CADM1: variants seen among roughly 807,000 people sequenced by gnomAD.
CADM1 encodes the protein TSLC-1.
Under a neutral mutation model 53.1 loss-of-function variants are expected in CADM1, and 15 were observed. That is an observed-to-expected ratio of 0.28 (90% CI 0.19 to 0.44). The LOEUF (loss-of-function observed/expected upper bound fraction) is 0.44. Among genes scored for constraint, CADM1 ranks in the 20% least tolerant of loss-of-function variants. The probability of loss-of-function intolerance (pLI) is 1.00; values close to 1 mark genes in which losing one functional copy is unlikely to be tolerated. For synonymous variants in CADM1, 281 were observed against 243.0 expected (o/e 1.16, Z -1.45); for missense variants, 434 against 611.3 (o/e 0.71, Z 3.06).
Position 115,254,065 on chromosome 11 carries a change from C to T in CADM1, c.125-13645G>A, listed in dbSNP as rs1942695375. ...TGAGATAATCCACATATTTGTACAG[C>T]TTGAGTCTTGACACAAAACCTGTGT... is the stretch of plus-strand genomic sequence containing the variant. On this transcript the variant is annotated intron_variant, in intron 1 of 11. Transcript: ENST00000331581. Among the ~76,000 whole-genome samples, 4 of 152,138 alleles carry T rather than the reference C, an allele frequency of 2.6e-5. No individual in the cohort carries two copies. In the South Asian group the frequency reaches 8.3e-4, roughly 31 times the overall value.
intron 1 of CADM1, among the ~76,000 whole-genome samples, chr11:115,440,885 C>T (rs1948293824): frequency 2.0e-5 from 3 of 152,018 alleles, no homozygotes; most frequent in African/African-American, 7.2e-5. Context: ...CTCAAGCAAT[C>T]CTCCCGCCTT....
At position 115,487,108 on chromosome 11, in the gene CADM1, C is replaced by T. The variant is rs567999289; in HGVS notation, c.124+17163G>A. Reference sequence around the variant, plus strand: ...GTAACCAGGCTTCATTTGCTCCAGCCTTGTTGTTTGGAAATTGAAAGATTC... The same window carrying T: ...GTAACCAGGCTTCATTTGCTCCAGCTTTGTTGTTTGGAAATTGAAAGATTC... On this transcript the variant is annotated intron_variant, in intron 1 of 11. Coordinates refer to ENST00000331581, the MANE Select transcript of CADM1 (RefSeq NM_001301043.2). Among the ~76,000 whole-genome samples the T allele has an allele frequency of 3.3e-5, 5 of 152,306 alleles. No homozygotes were observed. The East Asian group carries it at 7.7e-4, about 24-fold the overall frequency.
chr11:115,277,100 G>C (rs1261474350), intron 1 of CADM1, among the ~76,000 whole-genome samples: 2 of 152,236 alleles, frequency 1.3e-5, no homozygotes, highest in Middle Eastern at 3.2e-3. Flanking sequence ...AGCTTGAGTA[G>C]ACGGGAACAT....
intron 1 of CADM1, among the ~76,000 whole-genome samples, chr11:115,476,532 A>T (rs1363394016): frequency 1.3e-5 from 2 of 152,156 alleles, no homozygotes; most frequent in East Asian, 3.8e-4. Flanking sequence ...ATGCATCAGG[A>T]GATGGCAGCA....
intron 1 of CADM1, among the ~76,000 whole-genome samples, chr11:115,496,864 A>G (rs1949629669): frequency 2.0e-5 from 3 of 152,198 alleles, no homozygotes; most frequent in Non-Finnish European, 4.4e-5. Context: ...GTCATTGGTA[A>G]TAATGGAGAC....
At chr11:115,272,432 GA>G (rs958851411) in intron 1 of CADM1, among the ~76,000 whole-genome samples, 22 of 150,950 alleles carry the variant, frequency 1.5e-4, no homozygotes, top group Admixed American at 8.6e-4. Context: ...TATTTTAAAA[GA>G]AAAAAAACAT....
chr11:115,356,997 T>C (rs560377559), intron 1 of CADM1, among the ~76,000 whole-genome samples: 142 of 152,322 alleles, frequency 9.3e-4, no homozygotes, highest in African/African-American at 3.3e-3. Flanking sequence ...AATCCCTTTT[T>C]GGAATTTTAA....
intron 10 of CADM1, 105 bp from the exon 11 acceptor site, chr11:115,178,880 G>A: frequency 8.1e-7 from 1 of 1,240,502 alleles, no homozygotes; most frequent in Non-Finnish European, 1.2e-6. Flanking sequence ...TTTTTTAATG[G>A]AGGAGTCACA....
intron 1 of CADM1, among the ~76,000 whole-genome samples, chr11:115,371,453 A>T (rs1270526905): frequency 1.3e-5 from 2 of 152,132 alleles, no homozygotes; most frequent in Non-Finnish European, 2.9e-5. Flanking sequence ...AACAGAGGAG[A>T]TAAACTGGAA....
chr11:115,351,209 T>C (rs1425995852), intron 1 of CADM1, among the ~76,000 whole-genome samples: 1 of 152,172 alleles, frequency 6.6e-6, no homozygotes, highest in African/African-American at 2.4e-5. Context: ...AATTCCACCA[T>C]GTTTGCAATT....
At chr11:115,347,690 TC>T (rs1464282465) in intron 1 of CADM1, among the ~76,000 whole-genome samples, 1 of 152,228 alleles carries the variant, frequency 6.6e-6, no homozygotes, top group Non-Finnish European at 1.5e-5. Flanking sequence ...GAATATTTTT[TC>T]AACTATATAA....
intron 1 of CADM1, among the ~76,000 whole-genome samples, chr11:115,310,863 A>G (rs1944515143): frequency 1.3e-5 from 2 of 152,200 alleles, no homozygotes; most frequent in African/African-American, 4.8e-5. Flanking sequence ...ACACACTTTA[A>G]AATGAAGAAA....
At chr11:115,257,906 G>T (rs1942845206) in intron 1 of CADM1, among the ~76,000 whole-genome samples, 1 of 152,166 alleles carries the variant, frequency 6.6e-6, no homozygotes, top group African/African-American at 2.4e-5. Flanking sequence ...GTGCGAGGTG[G>T]GGCCCAGGCG....
intron 10 of CADM1, among the ~76,000 whole-genome samples, chr11:115,182,679 A>G (rs2134603474): frequency 6.6e-6 from 1 of 152,226 alleles, no homozygotes; most frequent in South Asian, 2.1e-4. Flanking sequence ...CTTTTGGCAA[A>G]AAGACTGACC....
intron 1 of CADM1, among the ~76,000 whole-genome samples, chr11:115,370,422 A>C (rs569570803): frequency 1.3e-5 from 2 of 152,194 alleles, no homozygotes; most frequent in Admixed American, 1.3e-4. Context: ...TTTGCAGGAA[A>C]TTGGGGTTAG....
At chr11:115,434,807 G>C (rs148654913) in intron 1 of CADM1, among the ~76,000 whole-genome samples, 312 of 150,652 alleles carry the variant, frequency 2.1e-3, no homozygotes, top group African/African-American at 7.4e-3. Flanking sequence ...CTGGAGAGTT[G>C]AATTCTGACA....
At chr11:115,289,826 A>ACC (rs1943839407) in intron 1 of CADM1, among the ~76,000 whole-genome samples, 1 of 151,786 alleles carries the variant, frequency 6.6e-6, no homozygotes, top group Non-Finnish European at 1.5e-5. Flanking sequence ...TGATCTCCTG[A>ACC]CCTCGTGATC....
At chr11:115,331,780 A>G (rs886727869) in intron 1 of CADM1, among the ~76,000 whole-genome samples, 2 of 152,186 alleles carry the variant, frequency 1.3e-5, no homozygotes, top group African/African-American at 4.8e-5. Context: ...AAAGGTATGA[A>G]GGACCCAAAT....
intron 1 of CADM1, among the ~76,000 whole-genome samples, chr11:115,246,787 A>T (rs1942422688): frequency 1.3e-5 from 2 of 152,204 alleles, no homozygotes; most frequent in African/African-American, 2.4e-5. Context: ...TGGCATGGAG[A>T]TGGTCAGGAT....
Sources: gnomAD v4.1 joint callset for allele counts (sites outside exome capture counted in the v4.1 genomes callset) on GRCh38, gnomAD v4.1.1 for gene constraint, MANE v1.5 for transcripts, NCBI Gene and HGNC (gene_info 2026-07-23, HGNC 2026-07-21) for gene names.